Variants in LRBA observed in about 807,000 individuals in gnomAD.
LRBA encodes lipopolysaccharide-responsive and beige-like anchor protein.
In LRBA, 176 loss-of-function variants were observed where a neutral mutation model predicts 330.0. The observed-to-expected ratio is 0.53, with a 90% confidence interval of 0.47 to 0.60. The LOEUF is 0.60. Among genes scored for constraint, LRBA ranks in the 20% least tolerant of loss-of-function variants. The probability of loss-of-function intolerance (pLI) is 0.00; values close to 1 mark genes in which losing one functional copy is unlikely to be tolerated. For synonymous variants in LRBA, 1,230 were observed against 1,193.0 expected (o/e 1.03, Z -0.64); for missense variants, 3,259 against 3,444.8 (o/e 0.95, Z 1.35).
At chr4:150,775,424 T>C (rs965449038) in intron 34 of LRBA, among the ~76,000 whole-genome samples, 6 of 148,912 alleles carry the variant, frequency 4.0e-5, no homozygotes, top group Non-Finnish European at 7.4e-5. Flanking sequence ...TCAATCAACA[T>C]ACATTTCTAA....
chr4:150,292,853 T>G (rs17503902), intron 53 of LRBA, among the ~76,000 whole-genome samples: 39,633 of 152,076 alleles, frequency 0.26, 5,393 homozygotes, highest in Non-Finnish European at 0.3. Context: ...CCATACCACT[T>G]GTAACAACTA....
intron 44 of LRBA, among the ~76,000 whole-genome samples, chr4:150,443,853 A>ATATATATATATAT (rs771939318): frequency 2.6e-5 from 2 of 75,478 alleles, no homozygotes; most frequent in East Asian, 4.6e-4. Context: ...TAATTAAAAA[A>ATATATATATATAT]ATATATATAT....
chr4:150,960,682 G>C (rs981124010), intron 2 of LRBA, among the ~76,000 whole-genome samples: 1 of 148,710 alleles, frequency 6.7e-6, no homozygotes, highest in African/African-American at 2.6e-5. Context: ...CCTACATGGT[G>C]GTTTAAAGGT....
intron 34 of LRBA, among the ~76,000 whole-genome samples, chr4:150,787,203 C>A (rs566985662): frequency 1.3e-5 from 2 of 148,918 alleles, no homozygotes; most frequent in Non-Finnish European, 3.0e-5. Context: ...GTGGGTGACA[C>A]AGACAGACTC....
rs891689 is a variant in LRBA at position 150,961,146 on chromosome 4, A to T, written c.217-32081T>A. Among the ~76,000 whole-genome samples the T allele has an allele frequency of 4.0e-5, 6 of 148,470 alleles. 1 individual carries two copies. The highest frequency in any genetic ancestry group is 6.6e-5 in the Admixed American group (1 of 15,138). On this transcript the variant is annotated intron_variant, in intron 2 of 56. Transcript: ENST00000651943. Reference sequence around the variant, plus strand: ...TTGGCTGTGGCTGTAGATGAGATTCAGCTGTGGGTGGCCTCAGCTCACCAA... The same window carrying T: ...TTGGCTGTGGCTGTAGATGAGATTCTGCTGTGGGTGGCCTCAGCTCACCAA...
intron 56 of LRBA, among the ~76,000 whole-genome samples, chr4:150,271,405 C>G (rs1746078878): frequency 6.6e-6 from 1 of 151,738 alleles, no homozygotes; most frequent in African/African-American, 2.4e-5. Flanking sequence ...AGCCAGGGAG[C>G]CAAGTGGTCT....
rs562619770 is a variant in LRBA at position 150,772,731 on chromosome 4, C to T, written c.5581-10884G>A. Among the ~76,000 whole-genome samples, 651 of 152,248 alleles carry T rather than the reference C, an allele frequency of 4.3e-3. 4 individuals are homozygous for T. The highest frequency in any genetic ancestry group is 0.015 in the African/African-American group (630 of 41,536). Reference sequence around the variant, plus strand: ...CCCGTCAAAGGCTCCAAATAGCATCCCCATCTGCCACTGACACTTGAAGCA... The same window carrying T: ...CCCGTCAAAGGCTCCAAATAGCATCTCCATCTGCCACTGACACTTGAAGCA... On this transcript the variant is annotated intron_variant, in intron 34 of 56. Coordinates refer to ENST00000651943, the MANE Select transcript of LRBA (RefSeq NM_001364905.1).
chr4:150,385,327 A>G (rs1303475449), intron 47 of LRBA, among the ~76,000 whole-genome samples: 4 of 152,212 alleles, frequency 2.6e-5, no homozygotes, highest in Non-Finnish European at 1.5e-5. Flanking sequence ...TAATACAAAA[A>G]ATCTGCATTA....
intron 2 of LRBA, among the ~76,000 whole-genome samples, chr4:150,984,774 A>G (rs1487035913): frequency 6.6e-6 from 1 of 152,178 alleles, no homozygotes; most frequent in African/African-American, 2.4e-5. Context: ...GTTTTATTAT[A>G]ACGTATTCAC....
At chr4:150,428,197 C>T (rs1357851730) in intron 46 of LRBA, among the ~76,000 whole-genome samples, 1 of 151,970 alleles carries the variant, frequency 6.6e-6, no homozygotes, top group Non-Finnish European at 1.5e-5. Context: ...TAATTGCATT[C>T]TATTTACTTA....
intron 2 of LRBA, among the ~76,000 whole-genome samples, chr4:150,979,162 T>C (rs1055668172): frequency 2.6e-5 from 4 of 152,024 alleles, no homozygotes; most frequent in African/African-American, 9.7e-5. Context: ...ACAAATAACG[T>C]ACAATGGAGC....
At chr4:150,396,335 C>T (rs759433350) in intron 47 of LRBA, among the ~76,000 whole-genome samples, 7 of 152,130 alleles carry the variant, frequency 4.6e-5, no homozygotes, top group Non-Finnish European at 8.8e-5. Context: ...CTGGGAGTTA[C>T]ACCATTGGTT....
chr4:150,408,082 A>C (rs973075468), intron 47 of LRBA, among the ~76,000 whole-genome samples: 1 of 152,124 alleles, frequency 6.6e-6, no homozygotes, highest in Non-Finnish European at 1.5e-5. Context: ...ACACAGAGAC[A>C]CCATAGAGGA....
At chr4:150,644,298 T>G (rs1342766815) in intron 37 of LRBA, among the ~76,000 whole-genome samples, 1 of 151,856 alleles carries the variant, frequency 6.6e-6, no homozygotes, top group Non-Finnish European at 1.5e-5. Flanking sequence ...AGTGAAAAAC[T>G]TAGAAAATTT....
At chr4:150,465,444 C>T (rs1463559575) in intron 44 of LRBA, among the ~76,000 whole-genome samples, 2 of 152,080 alleles carry the variant, frequency 1.3e-5, no homozygotes, top group African/African-American at 4.8e-5. Flanking sequence ...TACTGTTTGA[C>T]ATATAAGCTG....
At chr4:150,394,961 G>T (rs1474971844) in intron 47 of LRBA, among the ~76,000 whole-genome samples, 1 of 152,010 alleles carries the variant, frequency 6.6e-6, no homozygotes, top group Non-Finnish European at 1.5e-5. Context: ...CCATTTGCAA[G>T]ATATATTTAT....
chr4:150,419,120 G>T (rs1012864832), intron 46 of LRBA, among the ~76,000 whole-genome samples: 1 of 152,144 alleles, frequency 6.6e-6, no homozygotes, highest in Non-Finnish European at 1.5e-5. Context: ...AGTCCTAAGA[G>T]AATTCAGTTT....
chr4:150,810,803 T>C (rs1319573968), intron 31 of LRBA, among the ~76,000 whole-genome samples: 1 of 152,174 alleles, frequency 6.6e-6, no homozygotes, highest in Non-Finnish European at 1.5e-5. Context: ...GGTCTCATTA[T>C]GTTGCCCAGG....
intron 37 of LRBA, among the ~76,000 whole-genome samples, chr4:150,613,926 G>T (rs1250806003): frequency 6.6e-6 from 1 of 152,208 alleles, no homozygotes; most frequent in Non-Finnish European, 1.5e-5. Flanking sequence ...TCCCTACTCT[G>T]ATTCAGCCTG....
Sources: allele counts gnomAD v4.1 joint callset (sites outside exome capture counted in the v4.1 genomes callset), GRCh38; gene constraint gnomAD v4.1.1; transcripts MANE v1.5; gene names NCBI Gene and HGNC (gene_info 2026-07-23, HGNC 2026-07-21).